DGAT2L6: variants seen among roughly 807,000 people sequenced by gnomAD.
DGAT2L6 encodes the protein diacylglycerol O-acyltransferase 2 like 6, also known as diacylglycerol O-acyltransferase 2-like protein 6.
DGAT2L6 carries 22 observed loss-of-function variants against 25.5 expected under a neutral mutation model. The ratio of observed to expected loss-of-function variants is 0.86; its 90% CI spans 0.62 to 1.23. The LOEUF is 1.23. DGAT2L6 is among the 50% of genes most tolerant of loss of function. The pLI, the probability that DGAT2L6 is intolerant of heterozygous loss-of-function variation, is 0.00. For missense variants in DGAT2L6, 287 were observed against 253.2 expected (o/e 1.13, Z -0.91); for synonymous variants, 100 against 94.7 (o/e 1.06, Z -0.32).
chrX:70,183,596 C>T (rs186204350), intron 1 of DGAT2L6, among the ~76,000 whole-genome samples: 1 of 112,001 alleles, frequency 8.9e-6, no homozygotes, highest in East Asian at 2.8e-4. Context: ...CAAGACCAAG[C>T]TTGACACTAA....
At chrX:70,199,175 C>A in intron 1 of DGAT2L6, 96 bp from the exon 2 acceptor site, 1 of 522,910 alleles carries the variant, frequency 1.9e-6, no homozygotes, top group Non-Finnish European at 3.2e-6. Context: ...ATCAGCCTAG[C>A]CCTGCTCCTG....
intron 1 of DGAT2L6, among the ~76,000 whole-genome samples, chrX:70,180,805 G>C (rs1322997062): frequency 8.9e-6 from 1 of 112,179 alleles, no homozygotes; most frequent in African/African-American, 3.2e-5. Context: ...TCCAGTGTTT[G>C]TCCTTTCATG....
rs200956241 is a variant in DGAT2L6, at chrX:70,205,103, A to G, written c.1011A>G (p.Thr337=). The G allele has an allele frequency of 8.4e-6, 10 of 1,185,662 alleles. No homozygotes were observed. In the East Asian group the frequency reaches 3.0e-4, roughly 36 times the overall value. The change falls in exon 7 of 7, where the codon ACA becomes ACG. Residue 337 remains threonine, a synonymous_variant. Coordinates refer to ENST00000333026, the MANE Select transcript of DGAT2L6 (RefSeq NM_198512.3). The part of the protein sequence containing the change: ...GLPETQELTI[T] ...CTGAGACCCAAGAGCTGACAATTAC[A>G]TAACAGGAGCCACATTCCCCATTGA... is the stretch of plus-strand genomic sequence containing the variant.
At chrX:70,193,483 G>A (rs2085381503) in intron 1 of DGAT2L6, among the ~76,000 whole-genome samples, 1 of 111,014 alleles carries the variant, frequency 9.0e-6, no homozygotes, top group African/African-American at 3.3e-5. Context: ...GATGAACATA[G>A]ATGCAAAAAA....
intron 1 of DGAT2L6, among the ~76,000 whole-genome samples, chrX:70,187,018 T>G (rs1254392636): frequency 2.7e-5 from 3 of 111,725 alleles, no homozygotes; most frequent in African/African-American, 9.8e-5. Flanking sequence ...TTTTAAAAAT[T>G]TCTGGCAGAG....
rs372703550 is a variant in DGAT2L6 at position 70,177,557 on chromosome X, T to G, written c.-26T>G. On this transcript the variant is annotated 5_prime_UTR_variant, in exon 1 of 7. Coordinates refer to ENST00000333026, the MANE Select transcript of DGAT2L6 (RefSeq NM_198512.3). The stretch of plus-strand genomic sequence containing the variant: ...GTTTTGACCTTCTGGTTAGGCTTCT[T>G]GCCACAACAGAACAGCACCATAACC... 4.4e-4 allele frequency: 526 copies of G among 1,197,976 alleles called. No homozygotes were observed. Among genetic ancestry groups the G allele is most frequent in the South Asian group, 7.1e-4 (40 of 56,075 alleles).
chrX:70,178,513 G>A (rs1361278118), intron 1 of DGAT2L6, among the ~76,000 whole-genome samples: 3 of 110,915 alleles, frequency 2.7e-5, no homozygotes, highest in South Asian at 3.9e-4. Flanking sequence ...CGGGCTGACA[G>A]CTCCAAGATT....
intron 4 of DGAT2L6, 23 bp from the exon 5 acceptor site, chrX:70,201,867 C>T: frequency 8.7e-7 from 1 of 1,145,369 alleles, no homozygotes; most frequent in Non-Finnish European, 1.2e-6. Context: ...GTTTTTCTAC[C>T]ACTTGACTCT....
Position 70,199,329 on chromosome X carries a change from G to T in DGAT2L6, c.144G>T (p.Leu48Phe). The change falls in exon 2 of 7, where the codon TTG becomes TTT. Residue 48 changes from leucine (L) to phenylalanine (F), a missense_variant. Leu to Phe is a conservative substitution (Grantham distance 22). Transcript: ENST00000333026. Reference sequence around the variant, plus strand: ...TGTTATTCAGTAAGTTCTGGCCCTTGGCTGTGCTCTCCTTAGCCTGGCTCA... The same window carrying T: ...TGTTATTCAGTAAGTTCTGGCCCTTTGCTGTGCTCTCCTTAGCCTGGCTCA... Reference protein sequence around the residue: ...YFLLFSKFWPLAVLSLAWLTY... With the variant: ...YFLLFSKFWPFAVLSLAWLTY... The T allele has an allele frequency of 8.4e-7, 1 of 1,196,509 alleles. No individual in the cohort carries two copies. Among genetic ancestry groups the T allele is most frequent in the Admixed American group, 2.3e-5 (1 of 43,889 alleles).
chrX:70,203,444 G>T (rs2085417718), intron 5 of DGAT2L6, among the ~76,000 whole-genome samples: 1 of 112,081 alleles, frequency 8.9e-6, no homozygotes, highest in African/African-American at 3.2e-5. Flanking sequence ...TCATAGGTGG[G>T]TAACATCTGA....
chrX:70,204,611 C>G, intron 6 of DGAT2L6, 95 bp downstream of exon 6: 1 of 998,037 alleles, frequency 1.0e-6, no homozygotes, highest in Non-Finnish European at 1.4e-6. Flanking sequence ...CAACTCACAT[C>G]TGGGATGGGC....
intron 4 of DGAT2L6, among the ~76,000 whole-genome samples, chrX:70,201,251 G>C (rs1426252025): frequency 8.9e-6 from 1 of 112,477 alleles, no homozygotes; most frequent in African/African-American, 3.2e-5. Context: ...CTAGAGTCTG[G>C]AGGCAATTTC....
Position 70,202,029 on chromosome X carries a change from G to C in DGAT2L6, c.612G>C (p.Gln204His). ...GAGCCTCCACTCTCTTCCTCAAGCA[G>C]CGTAAAGGTTTTGTGAAGATGGCAC... The part of the protein sequence containing the change: ...RPGASTLFLK[Q>H]RKGFVKMALQ... The change falls in exon 5 of 7, where the codon CAG becomes CAC. Residue 204 changes from glutamine to histidine, a missense_variant. Gln to His is a conservative substitution (Grantham distance 24, BLOSUM62 0). Coordinates refer to ENST00000333026, the MANE Select transcript of DGAT2L6 (RefSeq NM_198512.3). 1 of 1,203,788 alleles carries C rather than the reference G, an allele frequency of 8.3e-7. No individual in the cohort carries two copies. Among genetic ancestry groups the C allele is most frequent in the South Asian group, 1.8e-5 (1 of 55,142 alleles).
At position 70,205,269 on chromosome X, in the gene DGAT2L6, C is replaced by G; in HGVS notation, c.*163C>G. ...AAATCAGAGTTCTAGCAATAGAGTC[C>G]TCTCCCAAGTGGCTGAGGCAGGCTT... On this transcript the variant is annotated 3_prime_UTR_variant, in exon 7 of 7. Transcript: ENST00000333026. The G allele has an allele frequency of 1.6e-6, 1 of 631,020 alleles. No homozygotes were observed. The highest frequency in any genetic ancestry group is 2.2e-6 in the Non-Finnish European group (1 of 462,105). The allele number at this position is 631,020 out of a possible 1,213,427, so 52.0% of individuals were successfully genotyped here.
rs2085401471 is a variant in DGAT2L6 at position 70,199,273 on chromosome X, G to T, written c.88G>T (p.Ala30Ser). ...QWIPVYIFLG[A>S]IPILLIPYFL... ...TTGAACCCTTTGTGTCTCCCCAGGA[G>T]CTATTCCCATTCTCCTTATACCCTA... Residue 30 changes from alanine to serine, a missense_variant and splice_region_variant, in exon 2 of 7, where the codon GCT becomes TCT. By Grantham distance (99) the Ala-to-Ser change is moderately conservative (BLOSUM62 1). Coordinates refer to ENST00000333026, the MANE Select transcript of DGAT2L6 (RefSeq NM_198512.3). 4 of 1,171,536 alleles carry T rather than the reference G, an allele frequency of 3.4e-6. No individual in the cohort carries two copies. The highest frequency in any genetic ancestry group is 4.6e-6 in the Non-Finnish European group (4 of 869,662).
chrX:70,190,902 G>A (rs781388231), intron 1 of DGAT2L6, among the ~76,000 whole-genome samples: 7 of 112,190 alleles, frequency 6.2e-5, no homozygotes, highest in Admixed American at 3.8e-4. Context: ...AGGCAGGCCC[G>A]CAGGCCTCAG....
chrX:70,199,367 A>G lies in DGAT2L6; in HGVS notation c.182A>G (p.Asn61Ser). 1 of 1,183,330 alleles carries G rather than the reference A, an allele frequency of 8.5e-7. No individual in the cohort carries two copies. The highest frequency in any genetic ancestry group is 3.0e-5 in the East Asian group (1 of 33,155). ...TTAGCCTGGCTCACCTATGATTGGA[A>G]CACCCACAGTCAAGGTAAGAGACAG... ...LSLAWLTYDW[N>S]THSQGGRRSA... Residue 61 changes from asparagine (N) to serine (S), a missense_variant, in exon 2 of 7, where the codon AAC (asparagine) becomes AGC (serine). Transcript: ENST00000333026.
rs745947183 is a variant in DGAT2L6, at chrX:70,199,888, C to T, written c.267+6C>T. The T allele has an allele frequency of 3.3e-6, 4 of 1,206,889 alleles. No homozygotes were observed. The Admixed American group carries it at 6.5e-5, about 20-fold the overall frequency. ...GAAATTACTTCCCAGTAAAGGTGAC[C>T]ACTCTTCCTCGGGGTGCCCTCAGTC... On this transcript the variant is annotated splice_donor_region_variant and intron_variant, in intron 3 of 6. Coordinates refer to ENST00000333026, the MANE Select transcript of DGAT2L6 (RefSeq NM_198512.3).
At chrX:70,183,077 G>A (rs2085348869) in intron 1 of DGAT2L6, among the ~76,000 whole-genome samples, 1 of 112,524 alleles carries the variant, frequency 8.9e-6, no homozygotes, top group African/African-American at 3.2e-5. Context: ...ACAGGCGTGA[G>A]CCACCGCCTC....
Sources: allele counts gnomAD v4.1 joint callset (sites outside exome capture counted in the v4.1 genomes callset), GRCh38; gene constraint gnomAD v4.1.1; transcripts MANE v1.5; gene names NCBI Gene and HGNC (gene_info 2026-07-23, HGNC 2026-07-21).